CEP112: variants seen among roughly 807,000 people sequenced by gnomAD.
CEP112 encodes the protein centrosomal protein of 112 kDa.
A neutral mutation model predicts 153.0 loss-of-function variants in CEP112; 127 were observed. The ratio of observed to expected loss-of-function variants is 0.83; its 90% CI spans 0.72 to 0.96. The LOEUF is 0.96. Ranked by LOEUF, CEP112 falls within the 40% of genes least tolerant of loss-of-function variation. CEP112 has a pLI of 0.00. For missense variants in CEP112, 1,089 were observed against 1,101.2 expected (o/e 0.99, Z 0.16); for synonymous variants, 358 against 374.4 (o/e 0.96, Z 0.51).
intron 21 of CEP112, among the ~76,000 whole-genome samples, chr17:65,835,414 A>G (rs191447617): frequency 6.6e-6 from 1 of 152,306 alleles, no homozygotes; most frequent in African/African-American, 2.4e-5. Flanking sequence ...TAATCAAATT[A>G]GCAAAAATGA....
At chr17:65,855,277 A>C (rs2058087821) in intron 20 of CEP112, among the ~76,000 whole-genome samples, 1 of 152,148 alleles carries the variant, frequency 6.6e-6, no homozygotes, top group Non-Finnish European at 1.5e-5. Context: ...CCATGTTGGG[A>C]GCAAGAACTC....
At chr17:65,897,841 T>C (rs923850377) in intron 20 of CEP112, among the ~76,000 whole-genome samples, 5 of 152,080 alleles carry the variant, frequency 3.3e-5, no homozygotes, top group African/African-American at 1.2e-4. Context: ...GAAAATATCA[T>C]CAATTATATT....
At chr17:66,009,862 T>C (rs1414792347) in intron 16 of CEP112, among the ~76,000 whole-genome samples, 1 of 152,222 alleles carries the variant, frequency 6.6e-6, no homozygotes, top group Non-Finnish European at 1.5e-5. Context: ...TTGCTTACAG[T>C]AGGCTTATAA....
At chr17:65,707,202 C>G (rs2048962586) in intron 23 of CEP112, among the ~76,000 whole-genome samples, 1 of 152,174 alleles carries the variant, frequency 6.6e-6, no homozygotes, top group African/African-American at 2.4e-5. Flanking sequence ...CATTGAATCC[C>G]TTTGTTCCCT....
intron 24 of CEP112, among the ~76,000 whole-genome samples, chr17:65,666,274 G>A (rs1469538268): frequency 6.6e-6 from 1 of 152,186 alleles, no homozygotes; most frequent in Admixed American, 6.5e-5. Flanking sequence ...AGAAATTCAT[G>A]CTATTTAACC....
intron 3 of CEP112, 168 bp downstream of exon 3, chr17:66,176,662 T>C (rs1015044333): frequency 2.1e-6 from 1 of 465,252 alleles, no homozygotes; most frequent in East Asian, 3.3e-5. Flanking sequence ...AAGCAATACA[T>C]GTATTTTATT....
intron 24 of CEP112, among the ~76,000 whole-genome samples, chr17:65,670,721 G>A (rs756517983): frequency 5.9e-5 from 9 of 152,062 alleles, no homozygotes; most frequent in Admixed American, 2.6e-4. Context: ...AGTATACACC[G>A]AACCAAAAAT....
At chr17:65,752,235 T>C (rs552039782) in intron 21 of CEP112, among the ~76,000 whole-genome samples, 12 of 152,324 alleles carry the variant, frequency 7.9e-5, no homozygotes, top group Admixed American at 7.8e-4. Flanking sequence ...CTGGTGATCT[T>C]TGATGTCCTT....
chr17:65,835,888 C>A (rs1009547835), intron 21 of CEP112, among the ~76,000 whole-genome samples: 1 of 152,088 alleles, frequency 6.6e-6, no homozygotes, highest in African/African-American at 2.4e-5. Flanking sequence ...AAAAGACAAA[C>A]TATTTTAAAA....
At chr17:66,168,554 T>C (rs1022218201) in intron 4 of CEP112, among the ~76,000 whole-genome samples, 2 of 151,710 alleles carry the variant, frequency 1.3e-5, no homozygotes, top group Non-Finnish European at 2.9e-5. Context: ...TGTGTATATA[T>C]ATATATATTT....
rs181855958 is a variant in CEP112, at chr17:65,716,351, G to A, written c.2607+26717C>T. On this transcript the variant is annotated intron_variant, in intron 23 of 26. Coordinates refer to ENST00000535342, the MANE Select transcript of CEP112 (RefSeq NM_001199165.4). The stretch of plus-strand genomic sequence containing the variant: ...TTTTTTTGTATATTTAGTAGAGATG[G>A]GGTTTTACCATGTTGGTCAGTCTGG... Among the ~76,000 whole-genome samples, 589 of 152,124 alleles carry A rather than the reference G, an allele frequency of 3.9e-3. 7 individuals carry two copies. The highest frequency in any genetic ancestry group is 0.016 in the Admixed American group (242 of 15,278).
At chr17:65,837,534 C>T (rs990575149) in intron 21 of CEP112, among the ~76,000 whole-genome samples, 1 of 151,852 alleles carries the variant, frequency 6.6e-6, no homozygotes, top group Non-Finnish European at 1.5e-5. Context: ...GACCAGCCAC[C>T]CTGTCCGAGA....
At chr17:65,681,978 C>A (rs2047555772) in intron 24 of CEP112, among the ~76,000 whole-genome samples, 1 of 151,754 alleles carries the variant, frequency 6.6e-6, no homozygotes. Flanking sequence ...CCACGCCAGG[C>A]CTGAATTTTT....
intron 21 of CEP112, among the ~76,000 whole-genome samples, chr17:65,848,022 G>A (rs904060884): frequency 6.6e-6 from 1 of 152,156 alleles, no homozygotes; most frequent in East Asian, 1.9e-4. Context: ...TGCTGGGGAT[G>A]CCATTCCCAC....
chr17:65,698,066 AT>A (rs914143240), intron 23 of CEP112, among the ~76,000 whole-genome samples: 8 of 150,312 alleles, frequency 5.3e-5, no homozygotes, highest in South Asian at 2.1e-4. Context: ...AGCAACACTT[AT>A]TTTTTTTTCT....
chr17:66,149,119 C>T (rs557441934), intron 4 of CEP112, among the ~76,000 whole-genome samples: 37 of 152,166 alleles, frequency 2.4e-4, no homozygotes, highest in Non-Finnish European at 4.7e-4. Context: ...TCTGTTAATG[C>T]TAATGTAGTA....
chr17:65,753,125 G>A lies in CEP112; in HGVS notation c.2395-2401C>T, dbSNP rs189261441. Among the ~76,000 whole-genome samples the A allele has an allele frequency of 3.4e-3, 512 of 152,266 alleles. 2 individuals carry two copies. The highest frequency in any genetic ancestry group is 6.0e-3 in the Non-Finnish European group (408 of 68,010). On this transcript the variant is annotated intron_variant, in intron 21 of 26. Coordinates refer to ENST00000535342, the MANE Select transcript of CEP112 (RefSeq NM_001199165.4). ...TTCTGTCCACTACCTTTAGTTGGAA[G>A]CAAATGATTTGTTTATTTTCATATC... is the stretch of plus-strand genomic sequence containing the variant.
chr17:66,017,645 A>G (rs1426973128), intron 16 of CEP112, among the ~76,000 whole-genome samples: 2 of 152,186 alleles, frequency 1.3e-5, no homozygotes, highest in South Asian at 2.1e-4. Context: ...AAAGTGAGAG[A>G]TAATTGCATA....
intron 25 of CEP112, among the ~76,000 whole-genome samples, chr17:65,639,567 C>G (rs1490546386): frequency 6.6e-6 from 1 of 151,630 alleles, no homozygotes; most frequent in African/African-American, 2.4e-5. Context: ...CACCTGTAAT[C>G]CCAGTTACTT....
Sources: gnomAD v4.1 joint callset for allele counts (sites outside exome capture counted in the v4.1 genomes callset) on GRCh38, gnomAD v4.1.1 for gene constraint, MANE v1.5 for transcripts, NCBI Gene and HGNC (gene_info 2026-07-23, HGNC 2026-07-21) for gene names.